RPL37: variants seen among roughly 807,000 people sequenced by gnomAD.
The protein encoded by RPL37 is ribosomal protein L37, also known as large ribosomal subunit protein eL37.
RPL37 carries 1 observed loss-of-function variant against 14.8 expected under a neutral mutation model. That is an observed-to-expected ratio of 0.07 (90% CI 0.02 to 0.32). The LOEUF (loss-of-function observed/expected upper bound fraction) is 0.32, where lower values mean the gene tolerates loss of function less well. Ranked by LOEUF, RPL37 falls within the 10% of genes least tolerant of loss-of-function variation. The probability of loss-of-function intolerance (pLI) is 1.00; values close to 1 mark genes in which losing one functional copy is unlikely to be tolerated. For synonymous variants in RPL37, 53 were observed against 45.8 expected, an observed-to-expected ratio of 1.16 and a Z score of -0.63; for missense variants, 100 against 128.3, an observed-to-expected ratio of 0.78 and a Z score of 1.06.
chr5:40,833,211 C>G (rs1455601193), intron 3 of RPL37, among the ~76,000 whole-genome samples: 1 of 152,198 alleles, frequency 6.6e-6, no homozygotes, highest in Non-Finnish European at 1.5e-5. Context: ...CCTGAACTGT[C>G]TTGCTATCTT....
chr5:40,826,794 T>C lies in RPL37; in HGVS notation c.*5710A>G. ...AAGGGTTAGGAAAGAATTACAGACT[T>C]TTCTTGAGACAGGGTCTTTGTCATC... On this transcript the variant is annotated 3_prime_UTR_variant, in exon 4 of 4. Coordinates refer to ENST00000274242, the MANE Select transcript of RPL37 (RefSeq NM_000997.5). 6.6e-6 allele frequency: 1 copy of C among 152,170 alleles called. No homozygotes were observed. The highest frequency in any genetic ancestry group is 1.9e-4 in the East Asian group (1 of 5,196). The allele number at this position is 152,170 out of a possible 1,614,324, so 9.4% of individuals were successfully genotyped here. A position where few individuals can be genotyped will look rare whatever the true frequency, so the allele number is the denominator to read the frequency against.
intron 2 of RPL37, 98 bp downstream of exon 2, chr5:40,834,373 G>A (rs1745715928): frequency 2.5e-6 from 4 of 1,573,638 alleles, no homozygotes; most frequent in East Asian, 2.2e-5. Flanking sequence ...AGATGTACGA[G>A]TTTTAAGATA....
rs1440991997 is a variant in RPL37 at position 40,830,914 on chromosome 5, T to C, written c.*1590A>G. The C allele has an allele frequency of 6.6e-6, 1 of 152,068 alleles. No homozygotes were observed. The highest frequency in any genetic ancestry group is 1.5e-5 in the Non-Finnish European group (1 of 68,048). 9.4% of individuals were successfully genotyped at this position (152,068 alleles called of 1,614,324 possible). On this transcript the variant is annotated 3_prime_UTR_variant, in exon 4 of 4. Transcript: ENST00000274242. Reference sequence around the variant, plus strand: ...ACAGCAACTCAGCTGTCTTTCAAGGTCATTGTTCAATCTTCAACAGACTAT... The same window carrying C: ...ACAGCAACTCAGCTGTCTTTCAAGGCCATTGTTCAATCTTCAACAGACTAT...
Position 40,829,237 on chromosome 5 carries a change from G to A in RPL37, c.*3267C>T, listed in dbSNP as rs545762430. ...CCTTAGTCTGTCATGATTTTCACAT[G>A]AACTATTTAAGAACCTGTTACCTAG... On this transcript the variant is annotated 3_prime_UTR_variant, in exon 4 of 4. Transcript: ENST00000274242. 6.6e-6 allele frequency: 1 copy of A among 152,198 alleles called. No homozygotes were observed. 9.4% of individuals were successfully genotyped at this position (152,198 alleles called of 1,614,324 possible). A position where few individuals can be genotyped will look rare whatever the true frequency, so the allele number is the denominator to read the frequency against.
At chr5:40,834,818 C>G (rs1287803054) in intron 1 of RPL37, among the ~76,000 whole-genome samples, 2 of 152,184 alleles carry the variant, frequency 1.3e-5, no homozygotes, top group African/African-American at 4.8e-5. Flanking sequence ...TTCTGAAATG[C>G]ACCTTATCTT....
intron 3 of RPL37, 60 bp downstream of exon 3, chr5:40,834,121 A>G (rs893993883): frequency 4.3e-6 from 5 of 1,155,636 alleles, no homozygotes; most frequent in Non-Finnish European, 6.5e-6. Flanking sequence ...TTTTACAAGT[A>G]AACACGAGGG....
intron 3 of RPL37, 39 bp downstream of exon 3, chr5:40,834,142 G>C: frequency 7.2e-7 from 1 of 1,386,504 alleles, no homozygotes; most frequent in Non-Finnish European, 1.0e-6. Flanking sequence ...TTTCATTCAA[G>C]CCCACTGGAC....
rs750544682 is a variant in RPL37 at position 40,832,716 on chromosome 5, T to C, written c.225-143A>G. 20 of 773,268 alleles carry C rather than the reference T, an allele frequency of 2.6e-5. No homozygotes were observed. The East Asian group carries it at 5.0e-4, about 19-fold the overall frequency. 47.9% of individuals were successfully genotyped at this position (773,268 alleles called of 1,614,324 possible). A position where few individuals can be genotyped will look rare whatever the true frequency, so the allele number is the denominator to read the frequency against. On this transcript the variant is annotated intron_variant, in intron 3 of 3. Transcript: ENST00000274242. ...ATTCATATGTTCAGACATTTATTTTTACAACATCACTGATAAGCTGAAATT... is the reference window on the plus strand; with the variant it reads ...ATTCATATGTTCAGACATTTATTTTCACAACATCACTGATAAGCTGAAATT...
intron 3 of RPL37, among the ~76,000 whole-genome samples, chr5:40,833,366 G>A (rs990441908): frequency 6.6e-6 from 1 of 152,178 alleles, no homozygotes. Context: ...ACATAGTAAC[G>A]GAAGGAGCAC....
In RPL37 at chr5:40,829,106, G is replaced by A. The variant is rs1452398271; in HGVS notation, c.*3398C>T. 1.3e-5 allele frequency: 2 copies of A among 152,076 alleles called. No individual in the cohort carries two copies. Among genetic ancestry groups the A allele is most frequent in the Non-Finnish European group, 2.9e-5 (2 of 68,016 alleles). 9.4% of individuals were successfully genotyped at this position (152,076 alleles called of 1,614,324 possible). On this transcript the variant is annotated 3_prime_UTR_variant, in exon 4 of 4. Coordinates refer to ENST00000274242, the MANE Select transcript of RPL37 (RefSeq NM_000997.5). Reference sequence around the variant, plus strand: ...CAAATCTCAGTGTTCTCATTTTCATGCTTAAATTATACAGAAATGGGAAGC... The same window carrying A: ...CAAATCTCAGTGTTCTCATTTTCATACTTAAATTATACAGAAATGGGAAGC...
chr5:40,834,194 A>G lies in RPL37; in HGVS notation c.211T>C (p.Tyr71His). 1 of 1,613,184 alleles carries G rather than the reference A, an allele frequency of 6.2e-7. No homozygotes were observed. Residue 71 changes from tyrosine to histidine, a missense_variant, in exon 3 of 4, where the codon TAC becomes CAC. Transcript: ENST00000274242. ...TACAAACTGTACCTGAATCTGCGGTATACAATTTTTAGGTGCCTCATTCGA... is the reference window on the plus strand; with the variant it reads ...TACAAACTGTACCTGAATCTGCGGTGTACAATTTTTAGGTGCCTCATTCGA... ...TGRMRHLKIV[Y>H]RRFRHGFREG... is the part of the protein sequence containing the mutation.
chr5:40,834,643 C>G, intron 1 of RPL37, 37 bp from the exon 2 acceptor site: 1 of 1,567,106 alleles, frequency 6.4e-7, no homozygotes, highest in Non-Finnish European at 8.6e-7. Context: ...TGAAACCTGG[C>G]AACTTCTAGA....
intron 1 of RPL37, chr5:40,834,939 G>A (rs1279031911): frequency 1.6e-6 from 1 of 625,042 alleles, no homozygotes; most frequent in Non-Finnish European, 2.8e-6. Flanking sequence ...GCCGTGAAAG[G>A]TCTCCAAAGG....
In RPL37 at chr5:40,828,275, C is replaced by T. The variant is rs1745560142; in HGVS notation, c.*4229G>A. 1 of 152,220 alleles carries T rather than the reference C, an allele frequency of 6.6e-6. No homozygotes were observed. Among genetic ancestry groups the T allele is most frequent in the Non-Finnish European group, 1.5e-5 (1 of 68,046 alleles). 9.4% of individuals were successfully genotyped at this position (152,220 alleles called of 1,614,324 possible). A position where few individuals can be genotyped will look rare whatever the true frequency, so the allele number is the denominator to read the frequency against. ...TCTATTACGCTCGTGGTATCCTTGT[C>T]TTACACACTTATCACTATCTGCAAT... is the stretch of plus-strand genomic sequence containing the variant. On this transcript the variant is annotated 3_prime_UTR_variant, in exon 4 of 4. Transcript: ENST00000274242.
At position 40,829,691 on chromosome 5, in the gene RPL37, A is replaced by AT; in HGVS notation, c.*2812dup. 1 of 151,740 alleles carries AT rather than the reference A, an allele frequency of 6.6e-6. No homozygotes were observed. The highest frequency in any genetic ancestry group is 2.4e-5 in the African/African-American group (1 of 41,276). The allele number at this position is 151,740 out of a possible 1,614,324, so 9.4% of individuals were successfully genotyped here. A position where few individuals can be genotyped will look rare whatever the true frequency, so the allele number is the denominator to read the frequency against. On this transcript the variant is annotated 3_prime_UTR_variant, in exon 4 of 4. Coordinates refer to ENST00000274242, the MANE Select transcript of RPL37 (RefSeq NM_000997.5). ...TGTGTGTGTGTGTATATATATATAT[A>AT]TATATATCAACAATATATAATTGTG...
At position 40,834,127 on chromosome 5, in the gene RPL37, G is replaced by A. The variant is rs539401804; in HGVS notation, c.224+54C>T. The A allele has an allele frequency of 2.5e-6, 3 of 1,194,192 alleles. No homozygotes were observed. In the South Asian group the frequency reaches 3.6e-5, roughly 14 times the overall value. 74.0% of individuals were successfully genotyped at this position (1,194,192 alleles called of 1,614,324 possible). ...CTGTTATCTTTTTACAAGTAAACACGAGGGTTTCATTCAAGCCCACTGGAC... is the reference window on the plus strand; with the variant it reads ...CTGTTATCTTTTTACAAGTAAACACAAGGGTTTCATTCAAGCCCACTGGAC... On this transcript the variant is annotated intron_variant, in intron 3 of 3. Coordinates refer to ENST00000274242, the MANE Select transcript of RPL37 (RefSeq NM_000997.5).
rs1281282712 is a variant in RPL37, at chr5:40,826,186, ACT to A, written c.*6316_*6317del. 3 of 152,368 alleles carry A rather than the reference ACT, an allele frequency of 2.0e-5. No individual in the cohort carries two copies. Among genetic ancestry groups the A allele is most frequent in the African/African-American group, 4.8e-5 (2 of 41,588 alleles). The allele number at this position is 152,368 out of a possible 1,614,324, so 9.4% of individuals were successfully genotyped here. On this transcript the variant is annotated 3_prime_UTR_variant, in exon 4 of 4. Transcript: ENST00000274242. ...TAATCATTTTTAAGGCAAAGAAAAT[ACT>A]TTTTACATTTGCTAGATGTTTATTT...
rs1311326779 is a variant in RPL37, at chr5:40,830,557, CATG to C, written c.*1944_*1946del. 3 of 150,772 alleles carry C rather than the reference CATG, an allele frequency of 2.0e-5. No homozygotes were observed. Among genetic ancestry groups the C allele is most frequent in the African/African-American group, 7.3e-5 (3 of 40,856 alleles). The allele number at this position is 150,772 out of a possible 1,614,324, so 9.3% of individuals were successfully genotyped here. ...GTGCCACCAGGCTGGAGCACAGTGG[CATG>C]ATCTCAGCTCACTGCAACCTCTGCC... is the stretch of plus-strand genomic sequence containing the variant. On this transcript the variant is annotated 3_prime_UTR_variant, in exon 4 of 4. Transcript: ENST00000274242.
In RPL37 at chr5:40,826,944, A is replaced by AT. The variant is rs957497514; in HGVS notation, c.*5559dup. On this transcript the variant is annotated 3_prime_UTR_variant, in exon 4 of 4. Transcript: ENST00000274242. ...AGGCACATACCACCATGCCTGGCTA[A>AT]TTTTTTGTATTTTTAATGGAGAAGA... 6.6e-6 allele frequency: 1 copy of AT among 152,066 alleles called. No individual in the cohort carries two copies. Among genetic ancestry groups the AT allele is most frequent in the Admixed American group, 6.6e-5 (1 of 15,256 alleles). 9.4% of individuals were successfully genotyped at this position (152,066 alleles called of 1,614,324 possible).
Sources: gnomAD v4.1 joint callset for allele counts (sites outside exome capture counted in the v4.1 genomes callset) on GRCh38, gnomAD v4.1.1 for gene constraint, MANE v1.5 for transcripts, NCBI Gene and HGNC (gene_info 2026-07-23, HGNC 2026-07-21) for gene names.